LRP8: variants seen among roughly 807,000 people sequenced by gnomAD.
LRP8 encodes low-density lipoprotein receptor-related protein 8.
LRP8 carries 46 observed loss-of-function variants against 111.6 expected under a neutral mutation model. The observed-to-expected ratio is 0.41, with a 90% CI of 0.33 to 0.53. The LOEUF (loss-of-function observed/expected upper bound fraction) is 0.53. Ranked by LOEUF, LRP8 falls within the 20% of genes least tolerant of loss-of-function variation. The probability of loss-of-function intolerance (pLI) is 0.20; values close to 1 mark genes in which losing one functional copy is unlikely to be tolerated. For missense variants in LRP8, 959 were observed against 1,297.4 expected (o/e 0.74, Z 4.01); for synonymous variants, 464 against 511.2 (o/e 0.91, Z 1.24).
chr1:53,256,559 T>G (rs1477512412), intron 15 of LRP8, among the ~76,000 whole-genome samples: 1 of 152,254 alleles, frequency 6.6e-6, no homozygotes, highest in East Asian at 1.9e-4. Context: ...GCAGCTTGGT[T>G]TCTGGGCTGT....
intron 3 of LRP8, among the ~76,000 whole-genome samples, chr1:53,282,166 G>A (rs1338874867): frequency 6.6e-6 from 1 of 152,206 alleles, no homozygotes; most frequent in Non-Finnish European, 1.5e-5. Flanking sequence ...TTGGGGAGGG[G>A]AGCAGGTATC....
intron 15 of LRP8, among the ~76,000 whole-genome samples, chr1:53,255,401 G>A (rs1646048120): frequency 6.6e-6 from 1 of 152,166 alleles, no homozygotes; most frequent in East Asian, 1.9e-4. Context: ...CAAGGAAACT[G>A]AGTCTTAACT....
chr1:53,255,850 G>T (rs1342361469), intron 15 of LRP8, among the ~76,000 whole-genome samples: 1 of 152,112 alleles, frequency 6.6e-6, no homozygotes, highest in Non-Finnish European at 1.5e-5. Flanking sequence ...ACCTCCTAGG[G>T]ATATGGTAAG....
chr1:53,307,141 A>G (rs2100512250), intron 2 of LRP8, among the ~76,000 whole-genome samples: 1 of 152,314 alleles, frequency 6.6e-6, no homozygotes, highest in African/African-American at 2.4e-5. Flanking sequence ...ATCTAACAGC[A>G]TAAAGATGCC....
rs1645689845 is a variant in LRP8, at chr1:53,244,433, T to C, written c.*2585A>G. 6.6e-6 allele frequency: 1 copy of C among 152,246 alleles called. No individual in the cohort carries two copies. The highest frequency in any genetic ancestry group is 2.4e-5 in the African/African-American group (1 of 41,456). 9.4% of individuals were successfully genotyped at this position (152,246 alleles called of 1,614,324 possible). Reference sequence around the variant, plus strand: ...GCAAAAGGCAAAAGATATGTAACTGTACCTCAAAATGAGGCTGAAAAGCCT... The same window carrying C: ...GCAAAAGGCAAAAGATATGTAACTGCACCTCAAAATGAGGCTGAAAAGCCT... On this transcript the variant is annotated 3_prime_UTR_variant, in exon 19 of 19. Coordinates refer to ENST00000306052, the MANE Select transcript of LRP8 (RefSeq NM_004631.5).
At chr1:53,301,017 C>T (rs571004980) in intron 2 of LRP8, among the ~76,000 whole-genome samples, 49 of 152,022 alleles carry the variant, frequency 3.2e-4, no homozygotes, top group African/African-American at 1.1e-3. Flanking sequence ...GGAGGGTGCT[C>T]GAGGTGTGGG....
At chr1:53,259,930 C>T (rs1312812817) in intron 13 of LRP8, among the ~76,000 whole-genome samples, 2 of 152,240 alleles carry the variant, frequency 1.3e-5, no homozygotes, top group Non-Finnish European at 2.9e-5. Flanking sequence ...ACTTCAGTTA[C>T]AGTTAGAATT....
intron 6 of LRP8, among the ~76,000 whole-genome samples, chr1:53,273,741 C>T (rs962496389): frequency 4.6e-5 from 7 of 152,182 alleles, no homozygotes; most frequent in African/African-American, 1.7e-4. Context: ...GAGTCACTTT[C>T]ACTCAACTAC....
chr1:53,256,050 A>G (rs1002912492), intron 15 of LRP8, among the ~76,000 whole-genome samples: 4 of 152,232 alleles, frequency 2.6e-5, no homozygotes, highest in Non-Finnish European at 5.9e-5. Flanking sequence ...ATGCCATGCC[A>G]TCTTTCTCAC....
intron 2 of LRP8, among the ~76,000 whole-genome samples, chr1:53,310,471 T>C (rs923141447): frequency 6.6e-6 from 1 of 152,132 alleles, no homozygotes; most frequent in South Asian, 2.1e-4. Flanking sequence ...CTGATGTGAA[T>C]GGAATGAGAT....
rs1281996822 is a variant in LRP8 at position 53,317,321 on chromosome 1, G to A, written c.244+9552C>T. Among the ~76,000 whole-genome samples, 1 of 152,152 alleles carries A rather than the reference G, an allele frequency of 6.6e-6. No homozygotes were observed. Among genetic ancestry groups the A allele is most frequent in the African/African-American group, 2.4e-5 (1 of 41,434 alleles). ...CTGCCAAGTCTCTGATGTTAGCCTG[G>A]ACCCACTGGGGAACCAAGGCCCCAC... On this transcript the variant is annotated intron_variant, in intron 2 of 18. Transcript: ENST00000306052. The surrounding 1 kb of genome is among the most constrained non-coding windows in gnomAD (Gnocchi z 4.9).
At chr1:53,327,165 G>GT in intron 1 of LRP8, 173 bp from the exon 2 acceptor site, 1 of 866,934 alleles carries the variant, frequency 1.2e-6, no homozygotes, top group Non-Finnish European at 1.7e-6. Flanking sequence ...CAGGGGTTCC[G>GT]TGGATGTCGG....
At chr1:53,289,388 A>AGGTTGG in intron 3 of LRP8, 179 bp downstream of exon 3, 1 of 794,586 alleles carries the variant, frequency 1.3e-6, no homozygotes, top group East Asian at 3.1e-5. Flanking sequence ...GCTGTGAAGA[A>AGGTTGG]AGTCCAGAAA....
In LRP8 at chr1:53,275,672, T is replaced by G; in HGVS notation, c.965A>C (p.Gln322Pro). Residue 322 changes from glutamine to proline, a missense_variant, in exon 6 of 19, where the codon CAG becomes CCG. Physicochemically the swap from Gln to Pro is moderately conservative, Grantham distance 76. Around this residue, in one of 3 missense-constraint regions of LRP8, gnomAD observed 819 missense variants for 1,097.6 expected, o/e 0.75. Transcript: ENST00000306052. The surrounding 1 kb of genome is among the most constrained non-coding windows in gnomAD (Gnocchi z 4.4). ...TTCATCACTCCCATCTGGACAGTCC[T>G]GCTCCTGGTTGCAGTGCTTGATTGC... Reference protein sequence around the residue: ...VLAIKHCNQEQDCPDGSDEAG... With the variant: ...VLAIKHCNQEPDCPDGSDEAG... The G allele has an allele frequency of 1.2e-6, 2 of 1,614,132 alleles. No homozygotes were observed. The highest frequency in any genetic ancestry group is 2.2e-5 in the South Asian group (2 of 91,082).
At chr1:53,277,119 C>T (rs1646949902) in intron 4 of LRP8, 41 bp from the exon 5 acceptor site, 10 of 1,417,480 alleles carry the variant, frequency 7.1e-6, no homozygotes, top group Non-Finnish European at 8.3e-6. Context: ...CGACCCCCTC[C>T]CCGGCCGACC....
chr1:53,262,345 G>T lies in LRP8; in HGVS notation c.1774+101C>A. On this transcript the variant is annotated intron_variant, in intron 11 of 18. Coordinates refer to ENST00000306052, the MANE Select transcript of LRP8 (RefSeq NM_004631.5). The surrounding 1 kb of genome is among the most constrained non-coding windows in gnomAD (Gnocchi z 4.8). ...GCAACCATTAGGAAACAAAGTCACT[G>T]GCACCATGAGAGGACCCAGAAACAA... The T allele has an allele frequency of 6.6e-7, 1 of 1,513,240 alleles. No individual in the cohort carries two copies. The allele number at this position is 1,513,240 out of a possible 1,614,324, so 93.7% of individuals were successfully genotyped here. A position where few individuals can be genotyped will look rare whatever the true frequency, so the allele number is the denominator to read the frequency against.
intron 2 of LRP8, among the ~76,000 whole-genome samples, chr1:53,322,011 G>A (rs979097728): frequency 2.6e-5 from 4 of 151,548 alleles, no homozygotes; most frequent in Non-Finnish European, 5.9e-5. Context: ...CAGGAACCTC[G>A]ACATCTGGCT....
chr1:53,311,463 C>G (rs1557858962), intron 2 of LRP8, among the ~76,000 whole-genome samples: 1 of 152,124 alleles, frequency 6.6e-6, no homozygotes, highest in African/African-American at 2.4e-5. Context: ...AAAGCGCCCT[C>G]CCCCAACTCT....
intron 2 of LRP8, among the ~76,000 whole-genome samples, chr1:53,301,067 C>G (rs762346346): frequency 4.3e-4 from 66 of 152,144 alleles, no homozygotes; most frequent in Non-Finnish European, 8.8e-4. Context: ...AGTCAGCACC[C>G]GCTCCGGGAG....
Sources: gnomAD v4.1 joint callset for allele counts (sites outside exome capture counted in the v4.1 genomes callset) on GRCh38, gnomAD v4.1.1 for gene constraint, gnomAD v4.1.1 regional missense constraint, Gnocchi (gnomAD v3.1) non-coding constraint, MANE v1.5 for transcripts, NCBI Gene and HGNC (gene_info 2026-07-23, HGNC 2026-07-21) for gene names.